Variants in NDUFAF7 observed in about 807,000 individuals in gnomAD.
NDUFAF7 encodes NADH:ubiquinone oxidoreductase complex assembly factor 7, also known as protein arginine methyltransferase NDUFAF7, mitochondrial.
In NDUFAF7, 48 loss-of-function variants were observed where a neutral mutation model predicts 47.2. The ratio of observed to expected loss-of-function variants is 1.02; its 90% CI spans 0.81 to 1.29. NDUFAF7 has a LOEUF of 1.29. Among genes scored for constraint, NDUFAF7 ranks in the 50% most tolerant of loss-of-function variants. The pLI is 0.00. For missense variants in NDUFAF7, 635 were observed against 537.6 expected (o/e 1.18, Z -1.79); for synonymous variants, 217 against 190.0 (o/e 1.14, Z -1.17).
chr2:37,236,623 T>C (rs1665797696), intron 3 of NDUFAF7, among the ~76,000 whole-genome samples: 1 of 150,208 alleles, frequency 6.7e-6, no homozygotes, highest in African/African-American at 2.5e-5. Context: ...AAAAAAAAAA[T>C]ACAAAAAATT....
chr2:37,240,610 T>C (rs1666247906), intron 4 of NDUFAF7, among the ~76,000 whole-genome samples: 1 of 152,146 alleles, frequency 6.6e-6, no homozygotes, highest in Non-Finnish European at 1.5e-5. Context: ...TTTATGTTTT[T>C]CAGCAAGGTC....
downstream of NDUFAF7, among the ~76,000 whole-genome samples, chr2:37,256,168 C>G (rs899311668): frequency 1.3e-5 from 2 of 152,000 alleles, no homozygotes; most frequent in Admixed American, 6.6e-5. Context: ...AAAAACAGTC[C>G]CAAGCAAATT....
chr2:37,253,421 GTTTT>G (rs138987723), downstream of NDUFAF7: 19 of 1,309,012 alleles, frequency 1.5e-5, no homozygotes, highest in African/African-American at 2.0e-4. Context: ...TTTGTTTTGT[GTTTT>G]TTTTTGTTGT....
intron 2 of NDUFAF7, among the ~76,000 whole-genome samples, chr2:37,234,904 G>A (rs911731275): frequency 3.9e-5 from 6 of 152,156 alleles, no homozygotes; most frequent in Non-Finnish European, 5.9e-5. Flanking sequence ...AGTGAGACTG[G>A]GGCCCATGTC....
chr2:37,269,810 G>C, the NDUFAF7 span: 1 of 698,810 alleles, frequency 1.4e-6, no homozygotes, highest in Non-Finnish European at 2.3e-6. Flanking sequence ...TTTCCATAAA[G>C]TGCAAACTAT....
In NDUFAF7 at chr2:37,231,676, G is replaced by A. The variant is rs763774176; in HGVS notation, c.-30G>A. The A allele has an allele frequency of 1.2e-6, 2 of 1,614,212 alleles. No individual in the cohort carries two copies. The highest frequency in any genetic ancestry group is 8.5e-7 in the Non-Finnish European group (1 of 1,180,010). On this transcript the variant is annotated 5_prime_UTR_variant, in exon 1 of 10. Transcript: ENST00000002125. ...GGAAATGGTCTAAGCCCCAGCTCCTGGCGGAGCGAGCTAGCCTGCGAATTT... is the reference window on the plus strand; with the variant it reads ...GGAAATGGTCTAAGCCCCAGCTCCTAGCGGAGCGAGCTAGCCTGCGAATTT...
chr2:37,247,590 C>T lies in NDUFAF7; in HGVS notation c.1071C>T (p.His357=), dbSNP rs753814065. 8 of 1,613,996 alleles carry T rather than the reference C, an allele frequency of 5.0e-6. No homozygotes were observed. The highest frequency in any genetic ancestry group is 2.2e-5 in the East Asian group (1 of 44,874). ...CCTCTCTGGGCCCAATAAAACAACA[C>T]ACATTTTTAAAAAATATGGGTATTG... ...KVASLGPIKQ[H]TFLKNMGIDV... The change falls in exon 9 of 10, where the codon CAC becomes CAT. Residue 357 remains histidine, a synonymous_variant. Coordinates refer to ENST00000002125, the MANE Select transcript of NDUFAF7 (RefSeq NM_144736.5).
chr2:37,258,729 G>C, the NDUFAF7 span, among the ~76,000 whole-genome samples: 2 of 152,150 alleles, frequency 1.3e-5, no homozygotes, highest in Non-Finnish European at 2.9e-5. Context: ...AAAAGAATAT[G>C]ATTACTACTT....
the NDUFAF7 span, among the ~76,000 whole-genome samples, chr2:37,262,345 A>T: frequency 6.6e-6 from 1 of 152,212 alleles, no homozygotes; most frequent in African/African-American, 2.4e-5. Context: ...CCATTGTTTA[A>T]TAAACTCTCT....
At chr2:37,236,815 G>A (rs913079793) in intron 3 of NDUFAF7, among the ~76,000 whole-genome samples, 5 of 151,470 alleles carry the variant, frequency 3.3e-5, no homozygotes, top group African/African-American at 9.7e-5. Context: ...AAGGAAGAGA[G>A]ACAAAAGGAA....
intron 2 of NDUFAF7, 29 bp downstream of exon 2, chr2:37,232,295 C>T (rs1197236144): frequency 6.2e-7 from 1 of 1,611,656 alleles, no homozygotes; most frequent in African/African-American, 1.3e-5. Flanking sequence ...GAGGACTAGG[C>T]CCTCTCTAGC....
At chr2:37,269,309 A>T in the NDUFAF7 span, 1 of 331,198 alleles carries the variant, frequency 3.0e-6, no homozygotes. Context: ...AAGCCCACTC[A>T]GCCCAACATA....
chr2:37,267,544 G>GA, the NDUFAF7 span: 3 of 1,578,350 alleles, frequency 1.9e-6, no homozygotes, highest in African/African-American at 1.4e-5. Context: ...TTCCTATTAA[G>GA]AAAAAAAGAA....
chr2:37,259,232 A>G, the NDUFAF7 span, among the ~76,000 whole-genome samples: 7 of 152,134 alleles, frequency 4.6e-5, no homozygotes, highest in Non-Finnish European at 8.8e-5. Flanking sequence ...ACCAAAATCT[A>G]TCTCCCATTT....
downstream of NDUFAF7, among the ~76,000 whole-genome samples, chr2:37,253,721 T>A (rs1667703269): frequency 6.6e-6 from 1 of 152,178 alleles, no homozygotes; most frequent in Non-Finnish European, 1.5e-5. Context: ...ATTTAGTAAC[T>A]GGTAGATGAG....
chr2:37,264,253 A>G, the NDUFAF7 span, among the ~76,000 whole-genome samples: 2 of 152,330 alleles, frequency 1.3e-5, no homozygotes, highest in South Asian at 2.1e-4. Context: ...GAGTCATTCC[A>G]AAGTTTTTTT....
At chr2:37,241,478 T>G (rs1666323293) in intron 4 of NDUFAF7, 100 bp from the exon 5 acceptor site, 1 of 996,662 alleles carries the variant, frequency 1.0e-6, no homozygotes, top group Non-Finnish European at 1.5e-6. Flanking sequence ...CTCTGAAATA[T>G]TACCTCTATT....
downstream of NDUFAF7, among the ~76,000 whole-genome samples, chr2:37,256,243 G>A (rs1667925682): frequency 6.6e-6 from 1 of 152,078 alleles, no homozygotes; most frequent in South Asian, 2.1e-4. Flanking sequence ...GATGAGGCTA[G>A]AAGGTAAGCA....
chr2:37,237,802 A>G lies in NDUFAF7; in HGVS notation c.343A>G (p.Ser115Gly). The change falls in exon 4 of 10, where the codon AGC (serine) becomes GGC (glycine). Residue 115 changes from serine to glycine, a missense_variant. Physicochemically the swap from Ser to Gly is moderately conservative, Grantham distance 56 (BLOSUM62 0). Coordinates refer to ENST00000002125, the MANE Select transcript of NDUFAF7 (RefSeq NM_144736.5). ...FISEWMATGKSTAFQLVELGP... is the reference protein window; with the variant it reads ...FISEWMATGKGTAFQLVELGP... ...TAGTGAATGGATGGCCACTGGAAAAAGCACAGCTTTCCAGCTGGTGGAACT... is the reference window on the plus strand; with the variant it reads ...TAGTGAATGGATGGCCACTGGAAAAGGCACAGCTTTCCAGCTGGTGGAACT... 6.2e-7 allele frequency: 1 copy of G among 1,613,930 alleles called. No homozygotes were observed. The highest frequency in any genetic ancestry group is 1.1e-5 in the South Asian group (1 of 91,082).
Sources: gnomAD v4.1 joint callset for allele counts (sites outside exome capture counted in the v4.1 genomes callset) on GRCh38, gnomAD v4.1.1 for gene constraint, MANE v1.5 for transcripts, NCBI Gene and HGNC (gene_info 2026-07-23, HGNC 2026-07-21) for gene names.